Variants in EXOC3 observed in about 807,000 individuals in gnomAD.
EXOC3 encodes the protein SEC6-like 1.
In EXOC3, 21 loss-of-function variants were observed where a neutral mutation model predicts 73.7. The ratio of observed to expected loss-of-function variants is 0.29; its 90% CI spans 0.20 to 0.41. EXOC3 has a LOEUF of 0.41. Among genes scored for constraint, EXOC3 ranks in the 10% least tolerant of loss-of-function variants. EXOC3 has a pLI of 1.00. For missense variants in EXOC3, 842 were observed against 985.1 expected (o/e 0.85, Z 1.95); for synonymous variants, 410 against 389.1 (o/e 1.05, Z -0.63).
chr5:464,503 G>A (rs1427498635), intron 10 of EXOC3, 91 bp downstream of exon 10: 4 of 1,378,008 alleles, frequency 2.9e-6, no homozygotes, highest in Admixed American at 3.4e-5. Flanking sequence ...GAGTCCCTCC[G>A]TGAGTGAACG....
chr5:450,187 A>T (rs1560935696), intron 3 of EXOC3, among the ~76,000 whole-genome samples: 1 of 152,244 alleles, frequency 6.6e-6, no homozygotes, highest in Non-Finnish European at 1.5e-5. Context: ...CAGAGGTCAC[A>T]GTGAGCCGAG....
At position 464,547 on chromosome 5, in the gene EXOC3, A is replaced by G. The variant is rs536442298; in HGVS notation, c.1776+135A>G. On this transcript the variant is annotated intron_variant, in intron 10 of 12. Coordinates refer to ENST00000512944, the MANE Select transcript of EXOC3 (RefSeq NM_007277.5). The stretch of plus-strand genomic sequence containing the variant: ...TTGTCCTATCAGCCCAAGGGAGGCA[A>G]TAGGCTCTGCGGACGCCACCTCCCT... 6.1e-6 allele frequency: 6 copies of G among 978,892 alleles called. No homozygotes were observed. In the South Asian group the frequency reaches 6.9e-5, roughly 11 times the overall value. The allele number at this position is 978,892 out of a possible 1,614,324, so 60.6% of individuals were successfully genotyped here. A position where few individuals can be genotyped will look rare whatever the true frequency, so the allele number is the denominator to read the frequency against.
chr5:457,528 G>A lies in EXOC3; in HGVS notation c.1165-372G>A, dbSNP rs1441777475. The A allele has an allele frequency of 1.7e-5, 4 of 234,106 alleles. No individual in the cohort carries two copies. In the East Asian group the frequency reaches 4.3e-4, roughly 25 times the overall value. The allele number at this position is 234,106 out of a possible 1,614,324, so 14.5% of individuals were successfully genotyped here. A position where few individuals can be genotyped will look rare whatever the true frequency, so the allele number is the denominator to read the frequency against. On this transcript the variant is annotated intron_variant, in intron 5 of 12. Coordinates refer to ENST00000512944, the MANE Select transcript of EXOC3 (RefSeq NM_007277.5). ...GGAGCGCTGTCTTCTCTTGGGACGT[G>A]AGCTGCTGTGGTTGCTGAGTCTGGG...
chr5:465,691 G>C (rs1466601911), intron 11 of EXOC3, 27 bp from the exon 12 acceptor site: 9 of 1,613,162 alleles, frequency 5.6e-6, no homozygotes, highest in Admixed American at 1.7e-5. Context: ...GCCGAGGGCG[G>C]CTCCTCACAT....
Position 447,717 on chromosome 5 carries a change from C to T in EXOC3, c.329C>T (p.Ala110Val). 6.3e-7 allele frequency: 1 copy of T among 1,582,278 alleles called. No individual in the cohort carries two copies. Among genetic ancestry groups the T allele is most frequent in the Non-Finnish European group, 8.6e-7 (1 of 1,162,684 alleles). The change falls in exon 3 of 13, where the codon GCC becomes GTC. Residue 110 changes from alanine to valine, a missense_variant. Coordinates refer to ENST00000512944, the MANE Select transcript of EXOC3 (RefSeq NM_007277.5). ...KDAVVQHSQL[A>V]AAVENLKNIF... The stretch of plus-strand genomic sequence containing the variant: ...GCCGTGGTGCAGCACAGCCAGCTCG[C>T]CGCAGCCGTGGAGAACCTCAAGAAC...
rs79115674 is a variant in EXOC3, at chr5:453,252, G to C, written c.365-118G>C. The C allele has an allele frequency of 2.6e-4, 179 of 695,570 alleles. No individual in the cohort carries two copies. The African/African-American group carries it at 2.9e-3, about 11-fold the overall frequency. 43.1% of individuals were successfully genotyped at this position (695,570 alleles called of 1,614,324 possible). On this transcript the variant is annotated intron_variant, in intron 3 of 12. Transcript: ENST00000512944. ...ACCTCAGACACATCCTGCCATTGCA[G>C]TTGTTGTTAGCTAGGGAGATGTGGC...
chr5:444,969 GAGAA>G (rs755969503), intron 1 of EXOC3: 6 of 152,236 alleles, frequency 3.9e-5, no homozygotes, highest in Non-Finnish European at 7.3e-5. Flanking sequence ...AGAAAATAAA[GAGAA>G]AGGAAAGGTT....
intron 3 of EXOC3, among the ~76,000 whole-genome samples, chr5:451,240 A>G (rs1348874887): frequency 1.3e-5 from 2 of 152,212 alleles, no homozygotes; most frequent in Non-Finnish European, 2.9e-5. Context: ...TAAAGATTAC[A>G]CTTAACATCT....
At chr5:448,731 T>C (rs1402433511) in intron 3 of EXOC3, among the ~76,000 whole-genome samples, 1 of 152,212 alleles carries the variant, frequency 6.6e-6, no homozygotes, top group Non-Finnish European at 1.5e-5. Flanking sequence ...GTAATCCGTG[T>C]CCCGTCCACC....
At position 464,440 on chromosome 5, in the gene EXOC3, T is replaced by C. The variant is rs960602669; in HGVS notation, c.1776+28T>C. 2.5e-6 allele frequency: 4 copies of C among 1,610,058 alleles called. No homozygotes were observed. In the African/African-American group the frequency reaches 4.0e-5, roughly 16 times the overall value. ...AAGAAGGTGGGACCTAGTTCCCTCA[T>C]CACCTTGACGCTAGGGCTCACCTCT... is the stretch of plus-strand genomic sequence containing the variant. On this transcript the variant is annotated intron_variant, in intron 10 of 12. Coordinates refer to ENST00000512944, the MANE Select transcript of EXOC3 (RefSeq NM_007277.5).
At chr5:462,452 T>A in intron 9 of EXOC3, 145 bp downstream of exon 9, 1 of 849,240 alleles carries the variant, frequency 1.2e-6, no homozygotes, top group Non-Finnish European at 1.9e-6. Flanking sequence ...TCAGATCGCT[T>A]AAAGCGCCTC....
intron 7 of EXOC3, chr5:459,714 A>G (rs1282443512): frequency 6.9e-6 from 2 of 291,700 alleles, no homozygotes; most frequent in Non-Finnish European, 1.3e-5. Context: ...GCGCCGGATG[A>G]CACCAACTCT....
chr5:446,654 T>C (rs1429120399), intron 2 of EXOC3, among the ~76,000 whole-genome samples: 1 of 152,116 alleles, frequency 6.6e-6, no homozygotes, highest in Non-Finnish European at 1.5e-5. Context: ...GGTCAGGAGT[T>C]CAAGACCAGC....
chr5:446,176 C>T lies in EXOC3; in HGVS notation c.-30C>T. ...GCACAGAGAACACCCCTAGCATGAA[C>T]AGTGTGAGGATTCCACCAGCTTTTT... On this transcript the variant is annotated 5_prime_UTR_variant, in exon 2 of 13. Coordinates refer to ENST00000512944, the MANE Select transcript of EXOC3 (RefSeq NM_007277.5). 6.2e-7 allele frequency: 1 copy of T among 1,613,690 alleles called. No homozygotes were observed. The highest frequency in any genetic ancestry group is 1.7e-4 in the Middle Eastern group (1 of 6,060).
At chr5:457,866 T>C in intron 5 of EXOC3, 34 bp from the exon 6 acceptor site, 1 of 1,585,798 alleles carries the variant, frequency 6.3e-7, no homozygotes, top group Non-Finnish European at 8.6e-7. Flanking sequence ...TGCTCTTCTC[T>C]CTTCTCTTCT....
At chr5:464,508 T>G (rs1172964596) in intron 10 of EXOC3, 96 bp downstream of exon 10, 9 of 1,365,456 alleles carry the variant, frequency 6.6e-6, no homozygotes, top group Non-Finnish European at 9.3e-6. Context: ...CCTCCGTGAG[T>G]GAACGTTCAC....
At chr5:450,692 T>C (rs917775575) in intron 3 of EXOC3, among the ~76,000 whole-genome samples, 1 of 152,232 alleles carries the variant, frequency 6.6e-6, no homozygotes, top group Non-Finnish European at 1.5e-5. Flanking sequence ...TTTTGCTTCA[T>C]GTATTTTGAC....
chr5:453,247 T>G, intron 3 of EXOC3, 123 bp from the exon 4 acceptor site: 1 of 669,654 alleles, frequency 1.5e-6, no homozygotes, highest in Non-Finnish European at 2.6e-6. Flanking sequence ...CATCCTGCCA[T>G]TGCAGTTGTT....
chr5:458,131 T>A, intron 6 of EXOC3, 106 bp downstream of exon 6: 1 of 1,224,308 alleles, frequency 8.2e-7, no homozygotes. Context: ...CCACAGAGTG[T>A]AGTAAAAATA....
Sources: gnomAD v4.1 joint callset for allele counts (sites outside exome capture counted in the v4.1 genomes callset) on GRCh38, gnomAD v4.1.1 for gene constraint, MANE v1.5 for transcripts, NCBI Gene and HGNC (gene_info 2026-07-23, HGNC 2026-07-21) for gene names.